Variants in WWOX observed in about 807,000 individuals in gnomAD.
The protein encoded by WWOX is WW domain containing oxidoreductase, also known as WW domain-containing oxidoreductase.
A neutral mutation model predicts 46.2 loss-of-function variants in WWOX; 69 were observed. The ratio of observed to expected loss-of-function variants is 1.49; its 90% CI spans 1.23 to 1.82. The LOEUF (loss-of-function observed/expected upper bound fraction) is 1.82. Among genes scored for constraint, WWOX ranks in the 40% most tolerant of loss-of-function variants. WWOX has a pLI of 0.00. For missense variants in WWOX, 919 were observed against 542.6 expected, an observed-to-expected ratio of 1.69 and a Z score of -6.89; for synonymous variants, 359 against 202.6, an observed-to-expected ratio of 1.77 and a Z score of -6.56.
intron 5 of WWOX, among the ~76,000 whole-genome samples, chr16:78,284,909 C>G (rs562275678): frequency 4.6e-5 from 7 of 152,252 alleles, no homozygotes; most frequent in Middle Eastern, 3.4e-3. Flanking sequence ...TTCGTTTTCT[C>G]AAGATACATA....
chr16:78,665,108 C>G (rs959142379), intron 8 of WWOX, among the ~76,000 whole-genome samples: 5 of 152,116 alleles, frequency 3.3e-5, no homozygotes, highest in African/African-American at 9.7e-5. Context: ...GCGATGGGGA[C>G]AAAAGATAGC....
chr16:78,143,433 G>T (rs186648016), intron 4 of WWOX, among the ~76,000 whole-genome samples: 1 of 152,202 alleles, frequency 6.6e-6, no homozygotes, highest in Admixed American at 6.5e-5. Flanking sequence ...GTGGCACGTG[G>T]ACCAAATCCA....
intron 8 of WWOX, among the ~76,000 whole-genome samples, chr16:78,465,891 G>C (rs140072028): frequency 6.0e-4 from 91 of 152,292 alleles, no homozygotes; most frequent in Middle Eastern, 3.4e-3. Context: ...TAAACACTAA[G>C]AGGTCACATA....
intron 8 of WWOX, among the ~76,000 whole-genome samples, chr16:78,876,460 C>T (rs2044235963): frequency 7.0e-6 from 1 of 142,716 alleles, no homozygotes; most frequent in African/African-American, 2.7e-5. Flanking sequence ...ATTGTGAATG[C>T]TTGACTCTTC....
At position 78,422,760 on chromosome 16, in the gene WWOX, C is replaced by CATATATATACACACAT. The variant is rs1185420761; in HGVS notation, c.606-2094_606-2079dup. Among the ~76,000 whole-genome samples the CATATATATACACACAT allele has an allele frequency of 1.1e-3, 122 of 113,908 alleles. 9 individuals carry two copies. The East Asian group carries it at 0.014, about 13-fold the overall frequency. The allele number at this position is 113,908 out of a possible 152,430, so 74.7% of individuals were successfully genotyped here. ...ACACATATATATACACATATATACA[C>CATATATATACACACAT]ATATATATACACACATATATATATA... On this transcript the variant is annotated intron_variant, in intron 6 of 8. Coordinates refer to ENST00000566780, the MANE Select transcript of WWOX (RefSeq NM_016373.4).
intron 5 of WWOX, among the ~76,000 whole-genome samples, chr16:78,353,832 G>T (rs2081230162): frequency 6.6e-6 from 1 of 152,204 alleles, no homozygotes; most frequent in African/African-American, 2.4e-5. Context: ...CCTGGGCTTG[G>T]GTGGCGTTCG....
chr16:78,397,605 T>C (rs538794656), intron 6 of WWOX, among the ~76,000 whole-genome samples: 2 of 152,314 alleles, frequency 1.3e-5, no homozygotes, highest in East Asian at 1.9e-4. Context: ...TTGGGAAATA[T>C]ACCATGTAAA....
At chr16:78,799,336 T>C (rs2050825096) in intron 8 of WWOX, among the ~76,000 whole-genome samples, 1 of 152,144 alleles carries the variant, frequency 6.6e-6, no homozygotes, top group Non-Finnish European at 1.5e-5. Flanking sequence ...AAAAATCACT[T>C]TTAAAAAATG....
At position 78,664,070 on chromosome 16, in the gene WWOX, C is replaced by A. The variant is rs149696569; in HGVS notation, c.1056+231318C>A. ...ATGGTTTTAAAAGACGCCATGGTTGCCATGAGGAGGACAATGCGTAGGAGG... is the reference window on the plus strand; with the variant it reads ...ATGGTTTTAAAAGACGCCATGGTTGACATGAGGAGGACAATGCGTAGGAGG... On this transcript the variant is annotated intron_variant, in intron 8 of 8. Transcript: ENST00000566780. Among the ~76,000 whole-genome samples the A allele has an allele frequency of 2.1e-3, 319 of 152,150 alleles. 1 individual carries two copies. The highest frequency in any genetic ancestry group is 7.3e-3 in the African/African-American group (302 of 41,508).
chr16:79,089,242 C>G (rs367756551), intron 8 of WWOX, among the ~76,000 whole-genome samples: 6 of 151,914 alleles, frequency 3.9e-5, no homozygotes, highest in Admixed American at 2.0e-4. Flanking sequence ...AGTCATCTCA[C>G]AAGATTTTTG....
chr16:78,442,796 A>T (rs576864080), intron 8 of WWOX, among the ~76,000 whole-genome samples: 65 of 151,970 alleles, frequency 4.3e-4, no homozygotes, highest in African/African-American at 1.5e-3. Context: ...CCTGGTCAAC[A>T]TTGCGAAATT....
intron 8 of WWOX, among the ~76,000 whole-genome samples, chr16:78,684,504 C>G (rs537889303): frequency 6.6e-6 from 1 of 152,138 alleles, no homozygotes; most frequent in African/African-American, 2.4e-5. Flanking sequence ...TTGCAGTTCC[C>G]TCAGATTTAT....
chr16:78,763,781 C>A (rs1006966430), intron 8 of WWOX, among the ~76,000 whole-genome samples: 1 of 152,196 alleles, frequency 6.6e-6, no homozygotes, highest in South Asian at 2.1e-4. Context: ...CTTAATTTCT[C>A]CAGCATTCAG....
intron 8 of WWOX, among the ~76,000 whole-genome samples, chr16:78,722,531 A>C (rs2048717561): frequency 6.6e-6 from 1 of 152,070 alleles, no homozygotes; most frequent in Non-Finnish European, 1.5e-5. Context: ...TATTTCATGG[A>C]GTTCAGTAAG....
At chr16:78,890,640 C>T (rs566751301) in intron 8 of WWOX, 33 of 152,358 alleles carry the variant, frequency 2.2e-4, no homozygotes, top group African/African-American at 7.2e-4. Context: ...GGTCTGCTCA[C>T]TCAGCCAGTA....
chr16:78,406,507 C>T (rs1298935294), intron 6 of WWOX, among the ~76,000 whole-genome samples: 5 of 150,332 alleles, frequency 3.3e-5, no homozygotes, highest in African/African-American at 1.2e-4. Context: ...CATGTGCTAC[C>T]ACACCCAGCT....
chr16:79,128,772 A>G (rs1227710610), intron 8 of WWOX, among the ~76,000 whole-genome samples: 2 of 152,220 alleles, frequency 1.3e-5, no homozygotes, highest in African/African-American at 4.8e-5. Flanking sequence ...GAAGTCAGGG[A>G]TAACAGAGCC....
At chr16:78,619,601 T>G (rs1156891824) in intron 8 of WWOX, among the ~76,000 whole-genome samples, 1 of 151,706 alleles carries the variant, frequency 6.6e-6, no homozygotes, top group African/African-American at 2.4e-5. Flanking sequence ...GAGGCAATAG[T>G]GATAGTAAAA....
At chr16:78,396,553 G>C (rs1280500683) in intron 6 of WWOX, among the ~76,000 whole-genome samples, 1 of 152,124 alleles carries the variant, frequency 6.6e-6, no homozygotes, top group Non-Finnish European at 1.5e-5. Context: ...AATTACCCCA[G>C]GGTTGTCTTT....
Sources: allele counts gnomAD v4.1 joint callset (sites outside exome capture counted in the v4.1 genomes callset), GRCh38; gene constraint gnomAD v4.1.1; transcripts MANE v1.5; gene names NCBI Gene and HGNC (gene_info 2026-07-23, HGNC 2026-07-21).